Variants in PRR16 observed in about 807,000 individuals in gnomAD.
PRR16 encodes the protein protein Largen.
PRR16 carries 6 observed loss-of-function variants against 18.2 expected under a neutral mutation model. The ratio of observed to expected loss-of-function variants is 0.33; its 90% CI spans 0.18 to 0.65. The LOEUF (loss-of-function observed/expected upper bound fraction) is 0.65. PRR16 is among the 30% of genes least tolerant of loss of function. The pLI, the probability that PRR16 is intolerant of heterozygous loss-of-function variation, is 0.74. For missense variants in PRR16, 412 were observed against 376.6 expected (o/e 1.09, Z -0.78); for synonymous variants, 151 against 147.8 (o/e 1.02, Z -0.16).
chr5:120,763,411 G>A, the PRR16 span, among the ~76,000 whole-genome samples: 3 of 152,042 alleles, frequency 2.0e-5, no homozygotes, highest in Admixed American at 1.3e-4. Flanking sequence ...TGGGCTTATA[G>A]GTGTGAGCCA....
At chr5:120,510,230 A>G (rs916057830) in intron 1 of PRR16, among the ~76,000 whole-genome samples, 15 of 152,222 alleles carry the variant, frequency 9.9e-5, no homozygotes, top group African/African-American at 3.1e-4. Flanking sequence ...CTCTGAAGCA[A>G]TGGCATTGTG....
chr5:120,634,448 A>G (rs1755161217), intron 1 of PRR16, among the ~76,000 whole-genome samples: 1 of 152,176 alleles, frequency 6.6e-6, no homozygotes, highest in African/African-American at 2.4e-5. Context: ...GCTCAAGACA[A>G]GCCTGGCCAA....
chr5:120,700,066 A>G, the PRR16 span, among the ~76,000 whole-genome samples: 66,598 of 151,906 alleles, frequency 0.44, 15,755 homozygotes, highest in East Asian at 0.84. Flanking sequence ...TAAAGAAAGC[A>G]TGTTTGAGAC....
At chr5:120,690,081 C>G (rs1309714914), downstream of PRR16, among the ~76,000 whole-genome samples, 2 of 152,012 alleles carry the variant, frequency 1.3e-5, no homozygotes, top group African/African-American at 4.8e-5. Context: ...GTTTAATTAA[C>G]CTAAATTATC....
intron 1 of PRR16, among the ~76,000 whole-genome samples, chr5:120,670,688 A>T (rs918248606): frequency 2.6e-5 from 4 of 152,120 alleles, no homozygotes; most frequent in African/African-American, 9.7e-5. Flanking sequence ...TACCTTTATT[A>T]AACCAAGGAT....
At chr5:120,726,682 G>T in the PRR16 span, among the ~76,000 whole-genome samples, 1 of 152,028 alleles carries the variant, frequency 6.6e-6, no homozygotes, top group Non-Finnish European at 1.5e-5. Context: ...AGGAGTACTT[G>T]CTTTTGGTTT....
intron 1 of PRR16, among the ~76,000 whole-genome samples, chr5:120,562,122 T>G (rs181439306): frequency 2.6e-5 from 4 of 152,300 alleles, no homozygotes. Context: ...TCTCTCTCTT[T>G]GGCTCTAATC....
At chr5:120,793,565 G>C in the PRR16 span, among the ~76,000 whole-genome samples, 3 of 152,096 alleles carry the variant, frequency 2.0e-5, no homozygotes, top group African/African-American at 4.8e-5. Context: ...GTAGTGCAGA[G>C]AAGACTGGTT....
intron 1 of PRR16, among the ~76,000 whole-genome samples, chr5:120,567,689 C>G (rs1340572821): frequency 6.6e-6 from 1 of 152,082 alleles, no homozygotes; most frequent in Non-Finnish European, 1.5e-5. Flanking sequence ...TAGTACTTCC[C>G]CCTTCACTCT....
chr5:120,481,952 GT>G (rs1265624587), intron 1 of PRR16, among the ~76,000 whole-genome samples: 1 of 151,922 alleles, frequency 6.6e-6, no homozygotes, highest in Non-Finnish European at 1.5e-5. Context: ...CTTTTTTATT[GT>G]TGTTATGAGT....
chr5:120,572,962 A>C (rs1752953694), intron 1 of PRR16, among the ~76,000 whole-genome samples: 2 of 152,154 alleles, frequency 1.3e-5, no homozygotes, highest in African/African-American at 4.8e-5. Context: ...CAAAAAGCCC[A>C]ATCAGAGTGA....
intron 1 of PRR16, among the ~76,000 whole-genome samples, chr5:120,596,633 CCAAA>C (rs757177692): frequency 6.6e-5 from 10 of 151,664 alleles, no homozygotes; most frequent in Non-Finnish European, 1.2e-4. Context: ...CTTTTTTACA[CCAAA>C]CAAAATATCA....
intron 1 of PRR16, among the ~76,000 whole-genome samples, chr5:120,575,372 A>G (rs557338199): frequency 7.5e-5 from 11 of 147,152 alleles, no homozygotes; most frequent in African/African-American, 2.8e-4. Context: ...ACCAGCCAAT[A>G]TCTCTGATGA....
chr5:120,509,842 T>C (rs1212218027), intron 1 of PRR16, among the ~76,000 whole-genome samples: 2 of 152,168 alleles, frequency 1.3e-5, no homozygotes, highest in East Asian at 1.9e-4. Context: ...ATTGGAATTT[T>C]GTGTCAGCAT....
At chr5:120,499,592 C>G (rs373062405) in intron 1 of PRR16, among the ~76,000 whole-genome samples, 137 of 152,162 alleles carry the variant, frequency 9.0e-4, no homozygotes, top group African/African-American at 3.0e-3. Context: ...ACCACTATAA[C>G]TTACATTTGA....
At chr5:120,500,262 A>G (rs1450945942) in intron 1 of PRR16, among the ~76,000 whole-genome samples, 1 of 152,170 alleles carries the variant, frequency 6.6e-6, no homozygotes, top group Admixed American at 6.5e-5. Flanking sequence ...TTCAGCTACA[A>G]GTCTGGAATA....
chr5:120,765,868 T>TTTATAACTAACTTA, the PRR16 span, among the ~76,000 whole-genome samples: 1 of 152,036 alleles, frequency 6.6e-6, no homozygotes, highest in Non-Finnish European at 1.5e-5. Flanking sequence ...TTCATAGCCT[T>TTTATAACTAACTTA]TTATAACTAA....
At chr5:120,500,068 T>C (rs910425379) in intron 1 of PRR16, among the ~76,000 whole-genome samples, 3 of 152,206 alleles carry the variant, frequency 2.0e-5, no homozygotes, top group Non-Finnish European at 4.4e-5. Context: ...GAGGTGCTTC[T>C]TTACAGTTTC....
chr5:120,485,632 A>T (rs1749771913), intron 1 of PRR16, among the ~76,000 whole-genome samples: 1 of 152,102 alleles, frequency 6.6e-6, no homozygotes, highest in South Asian at 2.1e-4. Flanking sequence ...GGTGTAAATT[A>T]TGCCTAGATT....
Sources: gnomAD v4.1 joint callset for allele counts (sites outside exome capture counted in the v4.1 genomes callset) on GRCh38, gnomAD v4.1.1 for gene constraint, MANE v1.5 for transcripts, NCBI Gene and HGNC (gene_info 2026-07-23, HGNC 2026-07-21) for gene names.